Variants in GRM5 observed in about 807,000 individuals in gnomAD.
The protein encoded by GRM5 is metabotropic glutamate receptor 5.
Under a neutral mutation model 83.1 loss-of-function variants are expected in GRM5, and 19 were observed. The ratio of observed to expected loss-of-function variants is 0.23; its 90% CI spans 0.16 to 0.34. GRM5 has a LOEUF of 0.34. GRM5 is among the 10% of genes least tolerant of loss of function. The probability of loss-of-function intolerance (pLI) is 1.00; values close to 1 mark genes in which losing one functional copy is unlikely to be tolerated. For missense variants in GRM5, 1,160 were observed against 1,588.3 expected, an observed-to-expected ratio of 0.73 and a Z score of 4.58; for synonymous variants, 675 against 633.6, an observed-to-expected ratio of 1.07 and a Z score of -0.98.
chr11:88,863,490 C>G (rs1180331269), intron 2 of GRM5, among the ~76,000 whole-genome samples: 1 of 151,936 alleles, frequency 6.6e-6, no homozygotes, highest in Non-Finnish European at 1.5e-5. Flanking sequence ...AAGCCATTAT[C>G]CTTAGCAAAT....
chr11:88,803,566 C>T (rs868722077), intron 3 of GRM5, among the ~76,000 whole-genome samples: 17 of 152,170 alleles, frequency 1.1e-4, no homozygotes, highest in African/African-American at 2.9e-4. Flanking sequence ...AACGTTGGAC[C>T]TAAAACCATA....
chr11:88,992,202 T>C (rs1316151740), intron 2 of GRM5, among the ~76,000 whole-genome samples: 19 of 151,724 alleles, frequency 1.3e-4, no homozygotes, highest in East Asian at 5.8e-4. Context: ...AAAAAGTGGG[T>C]GAAGGATATG....
chr11:88,700,392 G>A (rs532095992), intron 3 of GRM5, among the ~76,000 whole-genome samples: 4 of 152,174 alleles, frequency 2.6e-5, no homozygotes, highest in African/African-American at 9.6e-5. Context: ...CTGAAAGCAT[G>A]GGATCTCATT....
chr11:88,545,890 T>C (rs1343000744), intron 8 of GRM5, among the ~76,000 whole-genome samples: 1 of 152,070 alleles, frequency 6.6e-6, no homozygotes, highest in East Asian at 1.9e-4. Context: ...ATATACAAAA[T>C]ATATATTTTG....
intron 3 of GRM5, among the ~76,000 whole-genome samples, chr11:88,827,356 C>T (rs938013413): frequency 5.9e-5 from 9 of 152,182 alleles, no homozygotes; most frequent in African/African-American, 1.9e-4. Flanking sequence ...CACATCCTTA[C>T]ATGCATACTC....
chr11:88,732,825 T>C (rs887001294), intron 3 of GRM5, among the ~76,000 whole-genome samples: 2 of 152,000 alleles, frequency 1.3e-5, no homozygotes, highest in African/African-American at 2.4e-5. Flanking sequence ...TCTGGTTAGA[T>C]AGAAATCATT....
chr11:89,011,703 G>C (rs1204177158), intron 2 of GRM5, among the ~76,000 whole-genome samples: 1 of 152,158 alleles, frequency 6.6e-6, no homozygotes, highest in Non-Finnish European at 1.5e-5. Flanking sequence ...CCATGAAGCA[G>C]CCTACAGCAT....
chr11:88,712,426 T>C (rs760411421), intron 3 of GRM5, among the ~76,000 whole-genome samples: 1 of 152,052 alleles, frequency 6.6e-6, no homozygotes. Context: ...ATTTAACATA[T>C]GTTTTTAGTG....
chr11:88,774,628 A>T (rs527437319), intron 3 of GRM5, among the ~76,000 whole-genome samples: 1 of 152,186 alleles, frequency 6.6e-6, no homozygotes, highest in African/African-American at 2.4e-5. Context: ...CGTTCCATCA[A>T]TACCTAGTTT....
At chr11:88,834,906 G>A (rs495066) in intron 3 of GRM5, among the ~76,000 whole-genome samples, 44,517 of 151,928 alleles carry the variant, frequency 0.29, 6,823 homozygotes, top group South Asian at 0.53. Context: ...ATTTTAGGGT[G>A]TGAGAATCCT....
intron 3 of GRM5, among the ~76,000 whole-genome samples, chr11:88,767,131 G>A (rs185082062): frequency 8.6e-5 from 13 of 151,954 alleles, no homozygotes; most frequent in Admixed American, 7.9e-4. Flanking sequence ...TTAGAGACCT[G>A]AGCCATTGTT....
chr11:88,954,997 T>G (rs1938564576), intron 2 of GRM5, among the ~76,000 whole-genome samples: 1 of 152,262 alleles, frequency 6.6e-6, no homozygotes, highest in African/African-American at 2.4e-5. Context: ...TCCCATTTAC[T>G]AAGTTCCTGA....
At chr11:88,752,484 T>C (rs1942300379) in intron 3 of GRM5, among the ~76,000 whole-genome samples, 1 of 152,206 alleles carries the variant, frequency 6.6e-6, no homozygotes, top group African/African-American at 2.4e-5. Flanking sequence ...CATTCCATGC[T>C]CATGGATAGG....
chr11:89,025,045 G>A (rs1388661922), intron 2 of GRM5, among the ~76,000 whole-genome samples: 1 of 152,194 alleles, frequency 6.6e-6, no homozygotes, highest in African/African-American at 2.4e-5. Flanking sequence ...AAAATTAGGT[G>A]TGGTAAGAAT....
At chr11:88,842,739 T>G (rs1300361412) in intron 3 of GRM5, among the ~76,000 whole-genome samples, 3 of 152,210 alleles carry the variant, frequency 2.0e-5, no homozygotes, top group African/African-American at 7.2e-5. Flanking sequence ...AGATAATTTC[T>G]TAGAATTCCT....
chr11:88,799,987 A>G (rs1025083486), intron 3 of GRM5, among the ~76,000 whole-genome samples: 14 of 152,174 alleles, frequency 9.2e-5, no homozygotes, highest in Non-Finnish European at 1.9e-4. Context: ...CAGTGAAAAG[A>G]GAAACCAACA....
intron 4 of GRM5, among the ~76,000 whole-genome samples, chr11:88,652,746 C>T (rs1939664056): frequency 6.6e-6 from 1 of 152,044 alleles, no homozygotes; most frequent in Non-Finnish European, 1.5e-5. Flanking sequence ...ATCTGTCCTT[C>T]AACACTCATG....
At chr11:88,969,993 A>AT (rs758569894) in intron 2 of GRM5, among the ~76,000 whole-genome samples, 1 of 151,712 alleles carries the variant, frequency 6.6e-6, no homozygotes, top group African/African-American at 2.4e-5. Flanking sequence ...ATTAATACTT[A>AT]TTTTTTCCAA....
intron 9 of GRM5, among the ~76,000 whole-genome samples, chr11:88,516,277 AT>A (rs1302675660): frequency 6.6e-6 from 1 of 152,156 alleles, no homozygotes; most frequent in African/African-American, 2.4e-5. Flanking sequence ...GTCAAAGTAA[AT>A]GGCAGGACAG....
Sources: allele counts gnomAD v4.1 joint callset (sites outside exome capture counted in the v4.1 genomes callset), GRCh38; gene constraint gnomAD v4.1.1; transcripts MANE v1.5; gene names NCBI Gene and HGNC (gene_info 2026-07-23, HGNC 2026-07-21).